The following PDE4B variants were observed in gnomAD, a reference collection of about 807,000 sequenced individuals.
PDE4B encodes the protein 3',5'-cyclic-AMP phosphodiesterase 4B.
In PDE4B, 20 loss-of-function variants were observed where a neutral mutation model predicts 82.2. That is an observed-to-expected ratio of 0.24 (90% CI 0.17 to 0.35). The LOEUF is 0.35. PDE4B is among the 10% of genes least tolerant of loss of function. The probability of loss-of-function intolerance (pLI) is 1.00; values close to 1 mark genes in which losing one functional copy is unlikely to be tolerated. For missense variants in PDE4B, 655 were observed against 907.2 expected (o/e 0.72, Z 3.57); for synonymous variants, 320 against 318.9 (o/e 1.00, Z -0.04).
intron 8 of PDE4B, chr1:66,355,001 C>A: frequency 9.9e-7 from 1 of 1,007,812 alleles, no homozygotes; most frequent in Non-Finnish European, 1.5e-6. Flanking sequence ...TTTGTGTGTT[C>A]ATTTAACCCA....
At chr1:66,209,310 G>A (rs571877186) in intron 3 of PDE4B, among the ~76,000 whole-genome samples, 12 of 152,234 alleles carry the variant, frequency 7.9e-5, no homozygotes, top group African/African-American at 2.9e-4. Context: ...AGTTTCATGT[G>A]TTATCTCCTT....
intron 3 of PDE4B, among the ~76,000 whole-genome samples, chr1:66,156,448 C>A (rs1646503319): frequency 6.6e-6 from 1 of 152,150 alleles, no homozygotes. Context: ...ACACCTGACA[C>A]TTGTTGAGCA....
chr1:66,146,633 G>A (rs770389511), intron 3 of PDE4B, among the ~76,000 whole-genome samples: 34 of 152,118 alleles, frequency 2.2e-4, no homozygotes, highest in South Asian at 4.1e-4. Flanking sequence ...AATGCACAGA[G>A]TCAGACCTCA....
At chr1:66,114,817 G>A (rs1304125949) in intron 3 of PDE4B, among the ~76,000 whole-genome samples, 3 of 151,884 alleles carry the variant, frequency 2.0e-5, no homozygotes, top group African/African-American at 7.3e-5. Context: ...TGTACTTTTA[G>A]TAGAGACAAG....
At chr1:66,197,488 G>T (rs948771150) in intron 3 of PDE4B, among the ~76,000 whole-genome samples, 13 of 152,054 alleles carry the variant, frequency 8.5e-5, no homozygotes, top group Non-Finnish European at 1.6e-4. Context: ...ATATTTATAC[G>T]TATTTAAAAC....
At chr1:66,358,508 C>T (rs1662452628) in intron 9 of PDE4B, among the ~76,000 whole-genome samples, 2 of 151,992 alleles carry the variant, frequency 1.3e-5, no homozygotes, top group Admixed American at 6.6e-5. Context: ...AACCCTGTCT[C>T]TACTAAAAAT....
chr1:65,794,014 G>C (rs956337077), intron 1 of PDE4B, among the ~76,000 whole-genome samples: 10 of 152,178 alleles, frequency 6.6e-5, no homozygotes, highest in Non-Finnish European at 1.3e-4. Flanking sequence ...GGAGCGCACA[G>C]AAGAATCGCT....
In PDE4B at chr1:66,209,477, A is replaced by G. The variant is rs560682297; in HGVS notation, c.282-37983A>G. On this transcript the variant is annotated intron_variant, in intron 3 of 16. Coordinates refer to ENST00000341517, the MANE Select transcript of PDE4B (RefSeq NM_002600.4). ...AAACTACCCTGGTAGTTTAGAGCTT[A>G]TGTTTACCAGAAATTTATGTCCCAC... is the stretch of plus-strand genomic sequence containing the variant. Among the ~76,000 whole-genome samples the G allele has an allele frequency of 7.9e-5, 12 of 152,286 alleles. No individual in the cohort carries two copies. The South Asian group carries it at 1.7e-3, about 21-fold the overall frequency.
intron 1 of PDE4B, among the ~76,000 whole-genome samples, chr1:65,867,733 A>G (rs890741227): frequency 2.6e-5 from 4 of 152,236 alleles, no homozygotes; most frequent in Non-Finnish European, 4.4e-5. Flanking sequence ...ACTATTCTCT[A>G]TGCCCTACAT....
intron 3 of PDE4B, among the ~76,000 whole-genome samples, chr1:66,043,104 A>T (rs1654477626): frequency 6.6e-6 from 1 of 151,774 alleles, no homozygotes; most frequent in African/African-American, 2.4e-5. Context: ...AGATGGATCC[A>T]TGTGCCTACT....
rs758474462 is a variant in PDE4B at position 66,368,789 on chromosome 1, C to T, written c.1665C>T (p.Val555=). The T allele has an allele frequency of 1.3e-6, 2 of 1,518,856 alleles. No homozygotes were observed. Among genetic ancestry groups the T allele is most frequent in the Non-Finnish European group, 1.8e-6 (2 of 1,127,596 alleles). The allele number at this position is 1,518,856 out of a possible 1,614,324, so 94.1% of individuals were successfully genotyped here. A position where few individuals can be genotyped will look rare whatever the true frequency, so the allele number is the denominator to read the frequency against. ...TTTCCAAAACTTGATGATTTCAGGTCCTTCGCAACATGGTACACTGTGCAG... is the reference window on the plus strand; with the variant it reads ...TTTCCAAAACTTGATGATTTCAGGTTCTTCGCAACATGGTACACTGTGCAG... ...LLDNYTDRIQ[V]LRNMVHCADL... Residue 555 remains valine (V), a splice_region_variant and synonymous_variant, in exon 16 of 17, where the codon GTC becomes GTT. Coordinates refer to ENST00000341517, the MANE Select transcript of PDE4B (RefSeq NM_002600.4).
At chr1:66,156,286 A>G (rs1460545191) in intron 3 of PDE4B, among the ~76,000 whole-genome samples, 1 of 152,166 alleles carries the variant, frequency 6.6e-6, no homozygotes, top group Non-Finnish European at 1.5e-5. Flanking sequence ...ATTGTGGCTA[A>G]CAAAGCAACT....
At chr1:66,264,845 T>G (rs1409879066) in intron 6 of PDE4B, among the ~76,000 whole-genome samples, 1 of 152,252 alleles carries the variant, frequency 6.6e-6, no homozygotes, top group African/African-American at 2.4e-5. Context: ...TTCTCACGCT[T>G]GCCTGTGCAA....
At chr1:65,841,890 A>G (rs1646211628) in intron 1 of PDE4B, among the ~76,000 whole-genome samples, 2 of 152,206 alleles carry the variant, frequency 1.3e-5, no homozygotes, top group African/African-American at 4.8e-5. Context: ...TAAACCGTCA[A>G]GCAGCTAATG....
intron 3 of PDE4B, among the ~76,000 whole-genome samples, chr1:65,940,364 G>A (rs1174788201): frequency 2.0e-5 from 3 of 152,056 alleles, no homozygotes; most frequent in Admixed American, 6.6e-5. Flanking sequence ...TTAGATCATC[G>A]AACTGCTTGT....
intron 3 of PDE4B, among the ~76,000 whole-genome samples, chr1:66,103,805 CT>C (rs947008033): frequency 2.0e-5 from 3 of 152,054 alleles, no homozygotes; most frequent in African/African-American, 7.2e-5. Context: ...TTACAAAAAT[CT>C]TTTTATACTG....
chr1:66,083,435 T>A (rs1014052812), intron 3 of PDE4B, among the ~76,000 whole-genome samples: 2 of 152,126 alleles, frequency 1.3e-5, no homozygotes, highest in African/African-American at 4.8e-5. Context: ...ATGACTAACC[T>A]TTGAGTGCTT....
At chr1:66,102,898 C>T (rs1570240060) in intron 3 of PDE4B, among the ~76,000 whole-genome samples, 1 of 151,988 alleles carries the variant, frequency 6.6e-6, no homozygotes, top group African/African-American at 2.4e-5. Flanking sequence ...AATATTGTTA[C>T]AATAGTATTA....
At chr1:65,899,388 G>A (rs745810701) in intron 1 of PDE4B, among the ~76,000 whole-genome samples, 1 of 151,858 alleles carries the variant, frequency 6.6e-6, no homozygotes, top group African/African-American at 2.4e-5. Flanking sequence ...GTAAACTAGT[G>A]CAACCACTAT....
Sources: gnomAD v4.1 joint callset for allele counts (sites outside exome capture counted in the v4.1 genomes callset) on GRCh38, gnomAD v4.1.1 for gene constraint, MANE v1.5 for transcripts, NCBI Gene and HGNC (gene_info 2026-07-23, HGNC 2026-07-21) for gene names.